THSD4: variants seen among roughly 807,000 people sequenced by gnomAD.
The protein encoded by THSD4 is thrombospondin type-1 domain-containing protein 4.
In THSD4, 69 loss-of-function variants were observed where a neutral mutation model predicts 119.0. The observed-to-expected ratio is 0.58, with a 90% CI of 0.48 to 0.71. The LOEUF (loss-of-function observed/expected upper bound fraction) is 0.71. Among genes scored for constraint, THSD4 ranks in the 30% least tolerant of loss-of-function variants. The pLI is 0.00. For synonymous variants in THSD4, 524 were observed against 540.4 expected (o/e 0.97, Z 0.42); for missense variants, 1,393 against 1,391.1 (o/e 1.00, Z -0.02).
intron 7 of THSD4, among the ~76,000 whole-genome samples, chr15:71,435,472 G>A (rs1010605565): frequency 6.6e-6 from 1 of 152,160 alleles, no homozygotes; most frequent in Non-Finnish European, 1.5e-5. Flanking sequence ...GCTCTCTAAA[G>A]AGTAGTCTTT....
At chr15:71,177,939 AC>A (rs1400821321) in intron 3 of THSD4, among the ~76,000 whole-genome samples, 1 of 132,986 alleles carries the variant, frequency 7.5e-6, no homozygotes, top group African/African-American at 2.7e-5. Context: ...AAATTCAACA[AC>A]CCTCCATGCT....
intron 3 of THSD4, among the ~76,000 whole-genome samples, chr15:71,182,192 A>G (rs982416800): frequency 1.3e-5 from 2 of 151,650 alleles, no homozygotes; most frequent in African/African-American, 4.8e-5. Context: ...TTGTTTTTCT[A>G]TATATGAATA....
intron 2 of THSD4, among the ~76,000 whole-genome samples, chr15:71,149,341 G>T (rs2040697302): frequency 6.6e-6 from 1 of 152,152 alleles, no homozygotes; most frequent in Admixed American, 6.5e-5. Context: ...CACCTCCTGG[G>T]TTCAAGCGAT....
At chr15:71,220,908 A>G (rs973111094) in intron 4 of THSD4, among the ~76,000 whole-genome samples, 1 of 152,072 alleles carries the variant, frequency 6.6e-6, no homozygotes, top group African/African-American at 2.4e-5. Context: ...TTCTCCTGTG[A>G]TTTAGTGAGG....
At chr15:71,180,645 T>G (rs186313752) in intron 3 of THSD4, among the ~76,000 whole-genome samples, 1 of 152,226 alleles carries the variant, frequency 6.6e-6, no homozygotes, top group Non-Finnish European at 1.5e-5. Flanking sequence ...AGAGCCATTA[T>G]ATTGACAATA....
intron 6 of THSD4, chr15:71,341,678 G>A (rs764717739): frequency 1.6e-5 from 23 of 1,448,416 alleles, no homozygotes; most frequent in African/African-American, 8.4e-5. Context: ...GCCTGATTTC[G>A]TGGGGTTCTC....
intron 6 of THSD4, among the ~76,000 whole-genome samples, chr15:71,369,837 A>T (rs577415601): frequency 4.2e-4 from 64 of 152,286 alleles, no homozygotes; most frequent in African/African-American, 1.4e-3. Context: ...ATTGATTGGA[A>T]TAGTTTCAGA....
chr15:71,651,198 T>G (rs1348555324), intron 7 of THSD4, among the ~76,000 whole-genome samples: 2 of 152,288 alleles, frequency 1.3e-5, no homozygotes, highest in East Asian at 3.9e-4. Flanking sequence ...ACTCCACCTT[T>G]GGTAGAACAT....
intron 8 of THSD4, among the ~76,000 whole-genome samples, chr15:71,688,760 A>G (rs1221470648): frequency 1.3e-5 from 2 of 150,706 alleles, no homozygotes; most frequent in Non-Finnish European, 3.0e-5. Flanking sequence ...AGAGCAAGAG[A>G]GAGAAGAGAG....
chr15:71,727,227 G>A (rs1247205791), intron 8 of THSD4, among the ~76,000 whole-genome samples: 4 of 151,984 alleles, frequency 2.6e-5, no homozygotes, highest in African/African-American at 4.8e-5. Context: ...ATGTTGTGAC[G>A]ATTAAATTTG....
chr15:71,326,486 G>A (rs1009066368), intron 6 of THSD4, among the ~76,000 whole-genome samples: 36 of 150,136 alleles, frequency 2.4e-4, no homozygotes, highest in Admixed American at 6.7e-4. Flanking sequence ...AGAACAGCCT[G>A]GCCAACACGG....
Position 71,164,766 on chromosome 15 carries a change from C to T in THSD4, c.99+9834C>T, listed in dbSNP as rs572856408. 4.9e-5 allele frequency: 78 copies of T among 1,594,502 alleles called. 2 individuals are homozygous for T. In the South Asian group the frequency reaches 7.7e-4, roughly 16 times the overall value. Reference sequence around the variant, plus strand: ...CAAGAAAAAAAAACTGCGCTAGAACCAACTTATTCATCATCATCATCTTCT... The same window carrying T: ...CAAGAAAAAAAAACTGCGCTAGAACTAACTTATTCATCATCATCATCTTCT... On this transcript the variant is annotated intron_variant, in intron 3 of 17. Transcript: ENST00000261862.
At chr15:71,542,769 C>T (rs770723842) in intron 7 of THSD4, among the ~76,000 whole-genome samples, 72 of 151,654 alleles carry the variant, frequency 4.7e-4, no homozygotes, top group Non-Finnish European at 1.3e-4. Flanking sequence ...CCCAGCTACT[C>T]GGGACGCTGA....
intron 3 of THSD4, among the ~76,000 whole-genome samples, chr15:71,210,221 C>T (rs1009329076): frequency 2.6e-5 from 4 of 152,092 alleles, no homozygotes; most frequent in African/African-American, 9.7e-5. Flanking sequence ...TTTTTGAACT[C>T]TAGAAATAAA....
chr15:71,601,466 C>T (rs1043314177), intron 7 of THSD4, among the ~76,000 whole-genome samples: 23 of 152,178 alleles, frequency 1.5e-4, no homozygotes, highest in Admixed American at 7.9e-4. Flanking sequence ...TCCAGGCTGC[C>T]GGACTTTGCA....
At chr15:71,489,183 A>T (rs537632333) in intron 7 of THSD4, among the ~76,000 whole-genome samples, 1 of 152,318 alleles carries the variant, frequency 6.6e-6, no homozygotes, top group Non-Finnish European at 1.5e-5. Flanking sequence ...AAAAATAGGG[A>T]AAGAAAATAT....
intron 6 of THSD4, among the ~76,000 whole-genome samples, chr15:71,297,312 C>CCTCTTTTT (rs2044876177): frequency 1.4e-5 from 1 of 70,562 alleles, no homozygotes; most frequent in Non-Finnish European, 3.0e-5. Context: ...TTGCTCTCCT[C>CCTCTTTTT]TTCTTTTTTT....
At chr15:71,265,514 C>G (rs536446545) in intron 6 of THSD4, among the ~76,000 whole-genome samples, 1 of 152,136 alleles carries the variant, frequency 6.6e-6, no homozygotes, top group African/African-American at 2.4e-5. Flanking sequence ...GTTTCAAGCA[C>G]AAAACTGGGT....
chr15:71,351,705 G>A (rs762887916), intron 6 of THSD4, among the ~76,000 whole-genome samples: 2 of 152,310 alleles, frequency 1.3e-5, no homozygotes, highest in African/African-American at 4.8e-5. Context: ...GATGGTGTTC[G>A]CGTGGCCTCT....
Sources: gnomAD v4.1 joint callset for allele counts (sites outside exome capture counted in the v4.1 genomes callset) on GRCh38, gnomAD v4.1.1 for gene constraint, MANE v1.5 for transcripts, NCBI Gene and HGNC (gene_info 2026-07-23, HGNC 2026-07-21) for gene names.